Variants in MOK observed in about 807,000 individuals in gnomAD.
MOK encodes MOK protein kinase.
In MOK, 59 loss-of-function variants were observed where a neutral mutation model predicts 54.2. That is an observed-to-expected ratio of 1.09 (90% CI 0.88 to 1.35). The LOEUF (loss-of-function observed/expected upper bound fraction) is 1.35, where lower values mean the gene tolerates loss of function less well. MOK is among the 40% of genes most tolerant of loss of function. The pLI, the probability that MOK is intolerant of heterozygous loss-of-function variation, is 0.00. For missense variants in MOK, 517 were observed against 526.2 expected (o/e 0.98, Z 0.17); for synonymous variants, 210 against 202.7 (o/e 1.04, Z -0.31).
the MOK span, among the ~76,000 whole-genome samples, chr14:102,219,252 T>A: frequency 5.3e-5 from 8 of 152,238 alleles, no homozygotes; most frequent in African/African-American, 1.9e-4. Context: ...GAATGGCGCT[T>A]TTTCCTCCTG....
intron 1 of MOK, among the ~76,000 whole-genome samples, chr14:102,304,665 A>G (rs2072579839): frequency 6.6e-6 from 1 of 152,204 alleles, no homozygotes; most frequent in Admixed American, 6.5e-5. Flanking sequence ...CTAAACTCCA[A>G]TGTAAGAACC....
At chr14:102,302,869 T>TGGG (rs2072391627) in intron 1 of MOK, among the ~76,000 whole-genome samples, 2 of 149,740 alleles carry the variant, frequency 1.3e-5, no homozygotes, top group Middle Eastern at 3.4e-3. Context: ...GTATGAAGAG[T>TGGG]CTAAGAGGAA....
At position 102,233,793 on chromosome 14, in the gene MOK, G is replaced by A; in HGVS notation, c.591-4C>T. 6.2e-7 allele frequency: 1 copy of A among 1,604,478 alleles called. No homozygotes were observed. Among genetic ancestry groups the A allele is most frequent in the Non-Finnish European group, 8.5e-7 (1 of 1,171,214 alleles). On this transcript the variant is annotated splice_region_variant and splice_polypyrimidine_tract_variant and intron_variant, in intron 7 of 11. Transcript: ENST00000361847. ...TCCAGGAAAGAGGGGCTGCAGACTG[G>A]AAGGGCAGAAGGGGCACTGTGGTCA... is the stretch of plus-strand genomic sequence containing the variant.
At chr14:102,294,603 C>T (rs1036402630) in intron 1 of MOK, among the ~76,000 whole-genome samples, 2 of 151,144 alleles carry the variant, frequency 1.3e-5, no homozygotes, top group Non-Finnish European at 2.9e-5. Flanking sequence ...TGACAGACAG[C>T]GAGAGACCTT....
intron 7 of MOK, among the ~76,000 whole-genome samples, chr14:102,244,722 G>A (rs2065961656): frequency 6.6e-6 from 1 of 152,132 alleles, no homozygotes; most frequent in South Asian, 2.1e-4. Flanking sequence ...AGGCCACCGT[G>A]GTCATTTCTT....
intron 4 of MOK, among the ~76,000 whole-genome samples, chr14:102,254,812 G>A (rs1303371176): frequency 6.6e-6 from 1 of 152,162 alleles, no homozygotes; most frequent in Non-Finnish European, 1.5e-5. Flanking sequence ...ATGCTCAGGT[G>A]AATTCCCTCA....
intron 10 of MOK, 103 bp from the exon 11 acceptor site, chr14:102,229,760 T>C (rs2064497961): frequency 1.9e-6 from 2 of 1,064,710 alleles, no homozygotes; most frequent in Admixed American, 2.8e-5. Flanking sequence ...CCTAATACAA[T>C]TTCTTGACCA....
Position 102,229,318 on chromosome 14 carries a change from G to A in MOK, c.1231C>T (p.Pro411Ser). 3 of 1,612,604 alleles carry A rather than the reference G, an allele frequency of 1.9e-6. No individual in the cohort carries two copies. The highest frequency in any genetic ancestry group is 2.5e-6 in the Non-Finnish European group (3 of 1,179,182). The change falls in exon 12 of 12, where the codon CCC (proline) becomes TCC (serine). Residue 411 changes from proline to serine, a missense_variant. Physicochemically the swap from Pro to Ser is moderately conservative, Grantham distance 74 (BLOSUM62 -1). Transcript: ENST00000361847. ...CTTCCGCCTTTCCGCACTATGGTGG[G>A]CAGGCGACACTGCTGCGGGGCAGGC... is the stretch of plus-strand genomic sequence containing the variant. ...LKPAPQQCRL[P>S]TIVRKGGR
rs372225581 is a variant in MOK at position 102,235,724 on chromosome 14, C to G, written c.591-1935G>C. 6.6e-6 allele frequency among the ~76,000 whole-genome samples: 1 copy of G among 152,186 alleles called. No individual in the cohort carries two copies. The highest frequency in any genetic ancestry group is 1.5e-5 in the Non-Finnish European group (1 of 68,028). ...AAATACACGCGTGTCGATCCCGCCT[C>G]CCGGGAAGGAACTATTGTTCTTTAC... On this transcript the variant is annotated intron_variant, in intron 7 of 11. Transcript: ENST00000361847. This position sits in a 1 kb window ranked among gnomAD's most constrained non-coding sequence, Gnocchi z 4.4.
At chr14:102,215,353 T>G in the MOK span, among the ~76,000 whole-genome samples, 3 of 152,196 alleles carry the variant, frequency 2.0e-5, no homozygotes, top group South Asian at 6.2e-4. Flanking sequence ...AGCTGGCTTT[T>G]GTTACATGGA....
intron 1 of MOK, among the ~76,000 whole-genome samples, chr14:102,294,768 T>C (rs1184451789): frequency 6.6e-6 from 1 of 152,150 alleles, no homozygotes; most frequent in Admixed American, 6.5e-5. Flanking sequence ...TAAGCAGACT[T>C]GCTTTAAAAA....
chr14:102,233,827 G>A (rs746755171), intron 7 of MOK, 38 bp from the exon 8 acceptor site: 1 of 1,498,500 alleles, frequency 6.7e-7, no homozygotes, highest in Non-Finnish European at 9.3e-7. Flanking sequence ...CAGTGTTAGG[G>A]CAGAGCCAAC....
chr14:102,216,064 G>A, the MOK span, among the ~76,000 whole-genome samples: 1 of 152,162 alleles, frequency 6.6e-6, no homozygotes, highest in Non-Finnish European at 1.5e-5. Flanking sequence ...GTTGGCAGCC[G>A]GCTGAGCCCT....
chr14:102,255,924 T>A (rs2066912200), intron 4 of MOK, among the ~76,000 whole-genome samples: 1 of 152,082 alleles, frequency 6.6e-6, no homozygotes, highest in Admixed American at 6.6e-5. Flanking sequence ...ATACTAATAA[T>A]TTTAAAAACT....
At chr14:102,272,472 A>G (rs571131047) in intron 2 of MOK, among the ~76,000 whole-genome samples, 42 of 151,894 alleles carry the variant, frequency 2.8e-4, no homozygotes, top group Non-Finnish European at 5.1e-4. Context: ...GCAAGACTCC[A>G]TCACGAAAAA....
At chr14:102,297,649 GGAGGTGTGGAGGAAGAGGCACCGC>G (rs1400460140) in intron 1 of MOK, among the ~76,000 whole-genome samples, 1 of 152,200 alleles carries the variant, frequency 6.6e-6, no homozygotes, top group East Asian at 1.9e-4. Flanking sequence ...CAGCTTGCGG[GGAGGTGTGGAGGAAGAGGCACCGC>G]GAGGTGTGGA....
chr14:102,233,037 C>G (rs150176196), intron 8 of MOK: 2 of 184,654 alleles, frequency 1.1e-5, no homozygotes, highest in African/African-American at 4.7e-5. Flanking sequence ...TAAAAATAGT[C>G]TATTATAAAG....
intron 4 of MOK, among the ~76,000 whole-genome samples, chr14:102,258,902 T>G (rs530761738): frequency 6.6e-6 from 1 of 152,100 alleles, no homozygotes; most frequent in East Asian, 1.9e-4. Flanking sequence ...CCGTCTCTAC[T>G]AAAAGGACAA....
At chr14:102,253,760 G>C (rs1425694612) in intron 4 of MOK, among the ~76,000 whole-genome samples, 1 of 152,182 alleles carries the variant, frequency 6.6e-6, no homozygotes, top group Non-Finnish European at 1.5e-5. Flanking sequence ...AATTTTCAAA[G>C]TGTGTGTTTT....
Sources: gnomAD v4.1 joint callset for allele counts (sites outside exome capture counted in the v4.1 genomes callset) on GRCh38, gnomAD v4.1.1 for gene constraint, Gnocchi (gnomAD v3.1) non-coding constraint, MANE v1.5 for transcripts, NCBI Gene and HGNC (gene_info 2026-07-23, HGNC 2026-07-21) for gene names.